NYAP2: variants seen among roughly 807,000 people sequenced by gnomAD.
NYAP2 encodes neuronal tyrosine-phosphorylated phosphoinositide-3-kinase adaptor 2.
NYAP2 carries 23 observed loss-of-function variants against 50.4 expected under a neutral mutation model. That is an observed-to-expected ratio of 0.46 (90% confidence interval 0.33 to 0.65). The LOEUF is 0.65. Among genes scored for constraint, NYAP2 ranks in the 30% least tolerant of loss-of-function variants. NYAP2 has a pLI of 0.02. For synonymous variants in NYAP2, 394 were observed against 365.2 expected (o/e 1.08, Z -0.90); for missense variants, 885 against 861.0 (o/e 1.03, Z -0.35).
intron 4 of NYAP2, among the ~76,000 whole-genome samples, chr2:225,542,638 T>C (rs563186912): frequency 6.6e-6 from 1 of 152,072 alleles, no homozygotes; most frequent in South Asian, 2.1e-4. Context: ...GCATGATGAA[T>C]GATCTTTTTA....
At chr2:225,665,028 T>C in the NYAP2 span, among the ~76,000 whole-genome samples, 3 of 152,306 alleles carry the variant, frequency 2.0e-5, no homozygotes, top group African/African-American at 7.2e-5. Flanking sequence ...AAGACATTTA[T>C]AGTCTCTGAG....
At chr2:225,423,726 G>A (rs781248953) in intron 3 of NYAP2, among the ~76,000 whole-genome samples, 1 of 152,108 alleles carries the variant, frequency 6.6e-6, no homozygotes, top group Non-Finnish European at 1.5e-5. Flanking sequence ...GGCTCATAAT[G>A]CTCAACCTGA....
intron 3 of NYAP2, among the ~76,000 whole-genome samples, chr2:225,487,778 A>G (rs1012276286): frequency 6.6e-6 from 1 of 152,202 alleles, no homozygotes; most frequent in South Asian, 2.1e-4. Flanking sequence ...AGATATATAG[A>G]TATATTTTAG....
chr2:225,475,620 G>T (rs951109365), intron 3 of NYAP2, among the ~76,000 whole-genome samples: 2 of 152,144 alleles, frequency 1.3e-5, no homozygotes, highest in Admixed American at 6.5e-5. Context: ...CAGTTGTGAG[G>T]TTTATTATTT....
intron 4 of NYAP2, among the ~76,000 whole-genome samples, chr2:225,580,540 TTTGA>T (rs1320671217): frequency 6.6e-6 from 1 of 152,150 alleles, no homozygotes; most frequent in African/African-American, 2.4e-5. Context: ...CAAAAAGCTG[TTTGA>T]TTGTAGTGAG....
intron 4 of NYAP2, among the ~76,000 whole-genome samples, chr2:225,518,345 G>C (rs1044366897): frequency 1.6e-4 from 24 of 150,528 alleles, no homozygotes; most frequent in African/African-American, 4.4e-4. Context: ...GATCACCAGG[G>C]GCTAGGGCAG....
rs543954431 is a variant in NYAP2 at position 225,588,105 on chromosome 2, T to C, written c.1618+5070T>C. Among the ~76,000 whole-genome samples the C allele has an allele frequency of 2.0e-5, 3 of 152,198 alleles. No individual in the cohort carries two copies. The South Asian group carries it at 6.2e-4, about 32-fold the overall frequency. ...ACACCTGGCTAATATTTCATATTTT[T>C]AGTAGAGATGGCGTTTCACCATGTT... On this transcript the variant is annotated intron_variant, in intron 5 of 6. Transcript: ENST00000636099.
intron 4 of NYAP2, among the ~76,000 whole-genome samples, chr2:225,572,072 T>C (rs1273610230): frequency 6.6e-6 from 1 of 152,228 alleles, no homozygotes; most frequent in African/African-American, 2.4e-5. Flanking sequence ...CATCTCCAAC[T>C]GAGACCACTT....
intron 3 of NYAP2, among the ~76,000 whole-genome samples, chr2:225,457,151 G>A (rs1689752327): frequency 6.6e-6 from 1 of 152,224 alleles, no homozygotes; most frequent in African/African-American, 2.4e-5. Flanking sequence ...CCTACGCTAT[G>A]CGGAGTGAAT....
chr2:225,625,043 T>TTA (rs1275269077), intron 5 of NYAP2, among the ~76,000 whole-genome samples: 2 of 69,632 alleles, frequency 2.9e-5, no homozygotes, highest in African/African-American at 1.2e-4. Context: ...AACCCAAGCG[T>TTA]AAAAAAAAAA....
intron 3 of NYAP2, among the ~76,000 whole-genome samples, chr2:225,503,349 T>A (rs1384047056): frequency 1.3e-5 from 2 of 152,226 alleles, no homozygotes; most frequent in African/African-American, 2.4e-5. Flanking sequence ...GCCATGACAC[T>A]TCAAGAAGTA....
intron 3 of NYAP2, among the ~76,000 whole-genome samples, chr2:225,455,415 T>TACCA: frequency 6.6e-6 from 1 of 152,204 alleles, no homozygotes. Context: ...CTACGTACAA[T>TACCA]ATACTATTTA....
At chr2:225,398,709 C>A (rs548555968), upstream of NYAP2, among the ~76,000 whole-genome samples, 1 of 151,920 alleles carries the variant, frequency 6.6e-6, no homozygotes, top group East Asian at 1.9e-4. Flanking sequence ...TTCTCTTCCC[C>A]GTTTGTATTT....
chr2:225,502,646 C>G (rs949446957), intron 3 of NYAP2, among the ~76,000 whole-genome samples: 2 of 152,160 alleles, frequency 1.3e-5, no homozygotes, highest in African/African-American at 4.8e-5. Context: ...TCACAAATCC[C>G]CTTCTTCCCC....
intron 3 of NYAP2, among the ~76,000 whole-genome samples, chr2:225,430,241 C>T (rs531950363): frequency 6.6e-6 from 1 of 152,168 alleles, no homozygotes; most frequent in East Asian, 1.9e-4. Context: ...AAATGTTTTT[C>T]GATGTCCAGG....
intron 5 of NYAP2, among the ~76,000 whole-genome samples, chr2:225,621,710 T>G (rs559366497): frequency 9.2e-5 from 14 of 152,050 alleles, no homozygotes; most frequent in African/African-American, 3.1e-4. Context: ...AGTTTTTTTT[T>G]ATTTTTTTTT....
chr2:225,548,308 A>T (rs1186513102), intron 4 of NYAP2, among the ~76,000 whole-genome samples: 1 of 148,730 alleles, frequency 6.7e-6, no homozygotes, highest in Admixed American at 6.8e-5. Context: ...CTTATAGTCA[A>T]GAGGTCCAGA....
At chr2:225,481,293 A>G (rs780826872) in intron 3 of NYAP2, among the ~76,000 whole-genome samples, 1 of 152,104 alleles carries the variant, frequency 6.6e-6, no homozygotes, top group Non-Finnish European at 1.5e-5. Context: ...TCTTCACTAA[A>G]TGGTCAAATT....
intron 3 of NYAP2, 139 bp downstream of exon 3, chr2:225,409,240 C>T (rs1304992770): frequency 1.6e-6 from 1 of 620,286 alleles, no homozygotes; most frequent in Middle Eastern, 4.4e-4. Flanking sequence ...GAAAGCGACC[C>T]CTCAACTATA....
Sources: gnomAD v4.1 joint callset for allele counts (sites outside exome capture counted in the v4.1 genomes callset) on GRCh38, gnomAD v4.1.1 for gene constraint, MANE v1.5 for transcripts, NCBI Gene and HGNC (gene_info 2026-07-23, HGNC 2026-07-21) for gene names.